The following COBL variants were observed in gnomAD, a reference collection of about 807,000 sequenced individuals.
COBL encodes cordon-bleu WH2 repeat protein, also known as protein cordon-bleu.
COBL carries 51 observed loss-of-function variants against 98.8 expected under a neutral mutation model. The ratio of observed to expected loss-of-function variants is 0.52; its 90% CI spans 0.41 to 0.65. The LOEUF (loss-of-function observed/expected upper bound fraction) is 0.65, where lower values mean the gene tolerates loss of function less well. Among genes scored for constraint, COBL ranks in the 30% least tolerant of loss-of-function variants. The pLI, the probability that COBL is intolerant of heterozygous loss-of-function variation, is 0.00. For synonymous variants in COBL, 634 were observed against 651.7 expected, an observed-to-expected ratio of 0.97 and a Z score of 0.41; for missense variants, 1,617 against 1,617.5, an observed-to-expected ratio of 1.00 and a Z score of 0.01.
At chr7:51,240,089 C>T (rs1002559644) in intron 1 of COBL, among the ~76,000 whole-genome samples, 11 of 151,932 alleles carry the variant, frequency 7.2e-5, no homozygotes, top group African/African-American at 2.4e-4. Context: ...TTAAAAAATA[C>T]CTTTAAACAT....
At chr7:51,278,572 GTTTCACCA>G (rs1453436759) in intron 1 of COBL, among the ~76,000 whole-genome samples, 1 of 151,798 alleles carries the variant, frequency 6.6e-6, no homozygotes, top group Admixed American at 6.6e-5. Flanking sequence ...TAGAGTCGGG[GTTTCACCA>G]TGTTGGCCAG....
intron 1 of COBL, chr7:51,316,354 T>G (rs535940866): frequency 1.6e-5 from 5 of 316,958 alleles, no homozygotes; most frequent in Non-Finnish European, 2.3e-5. Flanking sequence ...AAAAGTGCGC[T>G]CCGGCCCCGG....
chr7:51,234,213 C>T (rs1795023881), intron 1 of COBL, among the ~76,000 whole-genome samples: 1 of 152,182 alleles, frequency 6.6e-6, no homozygotes, highest in Non-Finnish European at 1.5e-5. Flanking sequence ...AGAGACTGGG[C>T]CTCCCAGAGG....
intron 1 of COBL, among the ~76,000 whole-genome samples, chr7:51,243,270 A>T (rs1343861781): frequency 6.6e-6 from 1 of 152,186 alleles, no homozygotes; most frequent in Non-Finnish European, 1.5e-5. Flanking sequence ...CGGGGAGCAG[A>T]AGTACTGGAG....
chr7:51,315,242 C>T, intron 1 of COBL, among the ~76,000 whole-genome samples: 1 of 147,046 alleles, frequency 6.8e-6, no homozygotes, highest in Non-Finnish European at 1.5e-5. Context: ...ATTATATAAC[C>T]ACCAGTAAGT....
chr7:51,113,427 ATC>A (rs1797009546), intron 6 of COBL, among the ~76,000 whole-genome samples: 3 of 152,180 alleles, frequency 2.0e-5, no homozygotes, highest in Admixed American at 1.3e-4. Context: ...ATTTTGTCTA[ATC>A]TCTCTCCAAT....
intron 1 of COBL, among the ~76,000 whole-genome samples, chr7:51,283,671 G>A (rs535166859): frequency 6.6e-6 from 1 of 152,102 alleles, no homozygotes; most frequent in Non-Finnish European, 1.5e-5. Flanking sequence ...TTTTAGTAGA[G>A]ACGGGGTTTC....
At chr7:51,158,237 TTTTA>T (rs1376244487) in intron 5 of COBL, among the ~76,000 whole-genome samples, 1 of 152,244 alleles carries the variant, frequency 6.6e-6, no homozygotes, top group African/African-American at 2.4e-5. Context: ...TATTTGTTTA[TTTTA>T]TTTATTTTAC....
chr7:51,025,517 T>G, intron 11 of COBL, 145 bp from the exon 12 acceptor site: 1 of 769,072 alleles, frequency 1.3e-6, no homozygotes, highest in Non-Finnish European at 2.1e-6. Context: ...TGAATGGGAT[T>G]AGTGCTCTTA....
intron 1 of COBL, among the ~76,000 whole-genome samples, chr7:51,238,713 C>A (rs1249941876): frequency 6.6e-6 from 1 of 152,120 alleles, no homozygotes; most frequent in Non-Finnish European, 1.5e-5. Flanking sequence ...AGCCTCCCAG[C>A]CCCCACCACA....
intron 7 of COBL, among the ~76,000 whole-genome samples, chr7:51,078,596 C>G (rs1253085638): frequency 6.6e-6 from 1 of 152,214 alleles, no homozygotes; most frequent in Admixed American, 6.5e-5. Flanking sequence ...AACAAATTAT[C>G]CTAAAATGTA....
chr7:51,102,141 A>G (rs946276277), intron 6 of COBL, among the ~76,000 whole-genome samples: 2 of 152,232 alleles, frequency 1.3e-5, no homozygotes, highest in African/African-American at 4.8e-5. Flanking sequence ...ACTGTGAGAA[A>G]TAATGGTTGT....
At chr7:51,279,580 C>T (rs1799623778) in intron 1 of COBL, among the ~76,000 whole-genome samples, 1 of 152,178 alleles carries the variant, frequency 6.6e-6, no homozygotes, top group Non-Finnish European at 1.5e-5. Flanking sequence ...ACAACCCACG[C>T]CCCACCAGAC....
At chr7:51,144,887 T>A (rs1784876251) in intron 5 of COBL, among the ~76,000 whole-genome samples, 1 of 152,270 alleles carries the variant, frequency 6.6e-6, no homozygotes, top group Non-Finnish European at 1.5e-5. Flanking sequence ...CATTCCTTGT[T>A]AAGGCCGAAT....
At chr7:51,132,591 G>A (rs1055030072) in intron 6 of COBL, among the ~76,000 whole-genome samples, 10 of 152,144 alleles carry the variant, frequency 6.6e-5, no homozygotes, top group Middle Eastern at 3.2e-3. Context: ...ACTCTCCTTC[G>A]GGATGGGTTA....
chr7:51,214,631 C>T (rs1183134079), intron 2 of COBL, among the ~76,000 whole-genome samples: 3 of 152,186 alleles, frequency 2.0e-5, no homozygotes, highest in African/African-American at 7.2e-5. Context: ...CTATGTGATT[C>T]TCACTCAGCA....
rs554104926 is a variant in COBL, at chr7:51,247,887, C to T, written c.42-27943G>A. On this transcript the variant is annotated intron_variant, in intron 1 of 12. Coordinates refer to ENST00000265136, the MANE Select transcript of COBL (RefSeq NM_015198.5). The stretch of plus-strand genomic sequence containing the variant: ...TGTCTGTAATTCCAGCACTGTAATC[C>T]CTGCACTTTGGGAGGCTGAGGTGGT... 3.9e-5 allele frequency among the ~76,000 whole-genome samples: 6 copies of T among 152,294 alleles called. No homozygotes were observed. The East Asian group carries it at 1.2e-3, about 29-fold the overall frequency.
chr7:51,090,825 T>C lies in COBL; in HGVS notation c.958-5521A>G, dbSNP rs376001389. 1.1e-3 allele frequency among the ~76,000 whole-genome samples: 168 copies of C among 152,356 alleles called. 2 individuals are homozygous for C. Among genetic ancestry groups the C allele is most frequent in the Non-Finnish European group, 2.2e-3 (152 of 68,042 alleles). ...ACAGACAAAACTGAAATACTATGGA[T>C]GACTGAAGGCTTTAGAAAATAAGAG... is the stretch of plus-strand genomic sequence containing the variant. On this transcript the variant is annotated intron_variant, in intron 6 of 12. Coordinates refer to ENST00000265136, the MANE Select transcript of COBL (RefSeq NM_015198.5).
intron 2 of COBL, among the ~76,000 whole-genome samples, chr7:51,217,188 A>C (rs1793136839): frequency 6.6e-6 from 1 of 152,228 alleles, no homozygotes; most frequent in Non-Finnish European, 1.5e-5. Context: ...CCTCTACTTT[A>C]TAAGGGAAAT....
Sources: allele counts gnomAD v4.1 joint callset (sites outside exome capture counted in the v4.1 genomes callset), GRCh38; gene constraint gnomAD v4.1.1; transcripts MANE v1.5; gene names NCBI Gene and HGNC (gene_info 2026-07-23, HGNC 2026-07-21).